The following RPS6KA5 variants were observed in gnomAD, a reference collection of about 807,000 sequenced individuals.
The protein encoded by RPS6KA5 is ribosomal protein S6 kinase A5.
RPS6KA5 carries 27 observed loss-of-function variants against 85.5 expected under a neutral mutation model. The ratio of observed to expected loss-of-function variants is 0.32; its 90% CI spans 0.23 to 0.44. The LOEUF (loss-of-function observed/expected upper bound fraction) is 0.44. Ranked by LOEUF, RPS6KA5 falls within the 20% of genes least tolerant of loss-of-function variation. The pLI is 1.00. For missense variants in RPS6KA5, 811 were observed against 980.9 expected (o/e 0.83, Z 2.31); for synonymous variants, 334 against 348.2 (o/e 0.96, Z 0.46).
At chr14:91,044,392 GGAAAGAAAGAAAGAAA>G (rs71461930) in intron 1 of RPS6KA5, among the ~76,000 whole-genome samples, 191 of 55,170 alleles carry the variant, frequency 3.5e-3, no homozygotes, top group South Asian at 0.01. Context: ...AAAGAAAGAA[GGAAAGAAAGAAAGAAA>G]GAAAGAAAGA....
At chr14:91,020,520 A>C (rs1408127776) in intron 1 of RPS6KA5, among the ~76,000 whole-genome samples, 1 of 140,532 alleles carries the variant, frequency 7.1e-6, no homozygotes, top group Non-Finnish European at 1.5e-5. Context: ...TCTCCTATGG[A>C]TGCTAAGGAA....
chr14:91,033,829 C>T (rs1322422851), intron 1 of RPS6KA5, among the ~76,000 whole-genome samples: 1 of 151,872 alleles, frequency 6.6e-6, no homozygotes. Flanking sequence ...AAACAAAAAA[C>T]GTTTACAGCA....
chr14:90,946,417 C>G (rs1286112), intron 4 of RPS6KA5, among the ~76,000 whole-genome samples: 111,034 of 151,928 alleles, frequency 0.73, 40,751 homozygotes, highest in East Asian at 0.97. Flanking sequence ...TCTGGTTTCT[C>G]CTCTGGGCTG....
chr14:90,999,611 C>T (rs1350088537), intron 2 of RPS6KA5, among the ~76,000 whole-genome samples: 1 of 152,192 alleles, frequency 6.6e-6, no homozygotes, highest in Non-Finnish European at 1.5e-5. Flanking sequence ...CAGAGCAACA[C>T]AGTCCAGGAC....
intron 2 of RPS6KA5, among the ~76,000 whole-genome samples, chr14:90,983,884 G>A (rs1011755579): frequency 4.6e-5 from 6 of 131,310 alleles, no homozygotes; most frequent in Middle Eastern, 4.6e-3. Context: ...TTGCTCTGTC[G>A]CCCAGACCGG....
At chr14:91,036,451 G>C (rs1027860993) in intron 1 of RPS6KA5, among the ~76,000 whole-genome samples, 1 of 152,186 alleles carries the variant, frequency 6.6e-6, no homozygotes, top group Non-Finnish European at 1.5e-5. Context: ...TGGGTGGGTG[G>C]ATGAATAGGC....
intron 1 of RPS6KA5, among the ~76,000 whole-genome samples, chr14:91,047,981 T>C (rs1482262034): frequency 6.6e-6 from 1 of 152,216 alleles, no homozygotes; most frequent in African/African-American, 2.4e-5. Context: ...GTGATTTCAT[T>C]GAGCCCACAT....
intron 1 of RPS6KA5, among the ~76,000 whole-genome samples, chr14:91,059,049 C>A (rs2043468606): frequency 6.6e-6 from 1 of 152,164 alleles, no homozygotes; most frequent in Non-Finnish European, 1.5e-5. Flanking sequence ...ATAACCCGGC[C>A]GGGCACGGTG....
At chr14:90,882,382 G>A (rs890258201) in intron 14 of RPS6KA5, among the ~76,000 whole-genome samples, 5 of 152,132 alleles carry the variant, frequency 3.3e-5, no homozygotes, top group Non-Finnish European at 5.9e-5. Context: ...CTTATGTCAC[G>A]CAGAAAACAA....
intron 13 of RPS6KA5, among the ~76,000 whole-genome samples, chr14:90,890,892 A>T (rs543528496): frequency 6.6e-6 from 1 of 152,004 alleles, no homozygotes; most frequent in East Asian, 1.9e-4. Context: ...AACATTTTTC[A>T]ACTGCACCAT....
intron 9 of RPS6KA5, among the ~76,000 whole-genome samples, chr14:90,901,920 G>T (rs1316900045): frequency 6.6e-6 from 1 of 152,206 alleles, no homozygotes; most frequent in Non-Finnish European, 1.5e-5. Flanking sequence ...GGTGGCTCAT[G>T]CCTAGAATCC....
At chr14:91,045,033 A>C (rs1409329907) in intron 1 of RPS6KA5, among the ~76,000 whole-genome samples, 1 of 152,172 alleles carries the variant, frequency 6.6e-6, no homozygotes, top group Non-Finnish European at 1.5e-5. Flanking sequence ...CACAGCCTCC[A>C]GACAAGAACT....
chr14:91,020,576 G>C (rs1422583423), intron 1 of RPS6KA5, among the ~76,000 whole-genome samples: 1 of 136,248 alleles, frequency 7.3e-6, no homozygotes, highest in East Asian at 2.2e-4. Flanking sequence ...GTGTGTGTGT[G>C]TGTGTGTTTA....
chr14:90,979,107 C>T (rs2039688747), intron 2 of RPS6KA5, among the ~76,000 whole-genome samples: 2 of 152,194 alleles, frequency 1.3e-5, no homozygotes, highest in African/African-American at 4.8e-5. Flanking sequence ...TATCTCTGGG[C>T]AGTAATTTAC....
intron 7 of RPS6KA5, 59 bp downstream of exon 7, chr14:90,920,147 G>T: frequency 9.2e-7 from 1 of 1,088,108 alleles, no homozygotes; most frequent in South Asian, 1.2e-5. Flanking sequence ...CCTAACCGCA[G>T]AAATGTGATC....
At chr14:90,910,732 C>G (rs991533650) in intron 7 of RPS6KA5, among the ~76,000 whole-genome samples, 2 of 150,952 alleles carry the variant, frequency 1.3e-5, no homozygotes, top group Admixed American at 1.3e-4. Flanking sequence ...GTCGACCAGG[C>G]TGGAGTGCAA....
At chr14:91,057,828 T>C (rs2043386983) in intron 1 of RPS6KA5, among the ~76,000 whole-genome samples, 1 of 152,252 alleles carries the variant, frequency 6.6e-6, no homozygotes, top group African/African-American at 2.4e-5. Context: ...CAGTGTCTCA[T>C]TCAATTCTCA....
chr14:90,904,851 A>C (rs139961483), intron 8 of RPS6KA5, among the ~76,000 whole-genome samples: 10 of 152,334 alleles, frequency 6.6e-5, no homozygotes, highest in African/African-American at 2.4e-4. Context: ...AATTTCTCTA[A>C]TATGAAAGAC....
intron 14 of RPS6KA5, among the ~76,000 whole-genome samples, chr14:90,878,977 C>T (rs554656056): frequency 3.3e-4 from 51 of 152,300 alleles, no homozygotes; most frequent in Middle Eastern, 3.4e-3. Context: ...GAGACTCTCT[C>T]GCAGCCACAA....
Sources: gnomAD v4.1 joint callset for allele counts (sites outside exome capture counted in the v4.1 genomes callset) on GRCh38, gnomAD v4.1.1 for gene constraint, MANE v1.5 for transcripts, NCBI Gene and HGNC (gene_info 2026-07-23, HGNC 2026-07-21) for gene names.